The following TTC6 variants were observed in gnomAD, a reference collection of about 807,000 sequenced individuals.
The protein encoded by TTC6 is tetratricopeptide repeat protein 6.
A neutral mutation model predicts 210.4 loss-of-function variants in TTC6; 172 were observed. The observed-to-expected ratio is 0.82, with a 90% CI of 0.72 to 0.93. The LOEUF (loss-of-function observed/expected upper bound fraction) is 0.93. Among genes scored for constraint, TTC6 ranks in the 40% least tolerant of loss-of-function variants. The pLI is 0.00. For synonymous variants in TTC6, 804 were observed against 819.6 expected, an observed-to-expected ratio of 0.98 and a Z score of 0.32; for missense variants, 2,414 against 2,318.1, an observed-to-expected ratio of 1.04 and a Z score of -0.85.
At chr14:37,596,000 T>C (rs1303243308) in exon 1 of TTC6, 2 of 152,044 alleles carry the variant, frequency 1.3e-5, no homozygotes, top group Admixed American at 1.3e-4. Context: ...TACCTGCGGC[T>C]AAGAGCAGGT....
At chr14:37,741,269 C>T (rs1233889875) in intron 10 of TTC6, among the ~76,000 whole-genome samples, 1 of 136,594 alleles carries the variant, frequency 7.3e-6, no homozygotes, top group African/African-American at 3.0e-5. Flanking sequence ...AGACTTTTTT[C>T]CCACTTTTTT....
At chr14:37,759,697 C>A (rs1245439022) in intron 14 of TTC6, among the ~76,000 whole-genome samples, 1 of 152,100 alleles carries the variant, frequency 6.6e-6, no homozygotes, top group Admixed American at 6.5e-5. Context: ...TTTGTTCATT[C>A]CTTTTCATTC....
At chr14:37,748,774 C>T (rs377417221) in intron 10 of TTC6, among the ~76,000 whole-genome samples, 165 bp from the exon 13 acceptor site, 18 of 152,120 alleles carry the variant, frequency 1.2e-4, no homozygotes, top group East Asian at 5.8e-4. Flanking sequence ...ATTCTTCATA[C>T]AGTGTTACCA....
At position 37,624,402 on chromosome 14, in the gene TTC6, C is replaced by T. The variant is rs988555088; in HGVS notation, c.939+1399C>T. Among the ~76,000 whole-genome samples the T allele has an allele frequency of 1.6e-4, 25 of 152,220 alleles. 1 individual carries two copies. Among genetic ancestry groups the T allele is most frequent in the Middle Eastern group, 3.4e-3 (1 of 294 alleles). ...CTTCTGACATAGGCTCCATGCTCTA[C>T]GACATAGTTAAGGTACTTGACATGA... On this transcript the variant is annotated intron_variant, in intron 1 of 30. Transcript: ENST00000553443.
intron 1 of TTC6, among the ~76,000 whole-genome samples, chr14:37,630,447 C>T (rs2095667412): frequency 6.6e-6 from 1 of 151,972 alleles, no homozygotes; most frequent in African/African-American, 2.4e-5. Context: ...TTGAGAGACT[C>T]TTTGTTATTA....
chr14:37,766,728 A>G (rs906325160), intron 14 of TTC6, among the ~76,000 whole-genome samples: 1 of 152,188 alleles, frequency 6.6e-6, no homozygotes, highest in Non-Finnish European at 1.5e-5. Flanking sequence ...TATATACCCA[A>G]TAATGTGATT....
At chr14:37,685,522 G>A (rs2095791996) in intron 3 of TTC6, among the ~76,000 whole-genome samples, 1 of 152,208 alleles carries the variant, frequency 6.6e-6, no homozygotes, top group South Asian at 2.1e-4. Flanking sequence ...GACAAGAGAT[G>A]ACAGCTGCCT....
intron 6 of TTC6, among the ~76,000 whole-genome samples, chr14:37,722,169 C>G (rs1393598147): frequency 1.3e-5 from 2 of 151,950 alleles, no homozygotes; most frequent in Non-Finnish European, 2.9e-5. Context: ...TAGTATGCAT[C>G]ATGGCCTTAG....
exon 30 of TTC6, chr14:37,841,449 G>A: frequency 6.3e-7 from 1 of 1,587,002 alleles, no homozygotes; most frequent in Non-Finnish European, 8.5e-7. Flanking sequence ...TTGTAGGCCA[G>A]TGACTACTTC....
chr14:37,785,902 GT>G (rs1278986093), intron 14 of TTC6, among the ~76,000 whole-genome samples: 2 of 152,184 alleles, frequency 1.3e-5, no homozygotes, highest in Non-Finnish European at 2.9e-5. Context: ...TCCAGATGCT[GT>G]TTGCCTGGGT....
chr14:37,613,467 C>G (rs2095637794), intron 2 of TTC6, among the ~76,000 whole-genome samples: 1 of 151,858 alleles, frequency 6.6e-6, no homozygotes, highest in Non-Finnish European at 1.5e-5. Flanking sequence ...TTAAAAAATG[C>G]CTTTGTCAGG....
chr14:37,763,845 A>C (rs2139122846), intron 14 of TTC6, among the ~76,000 whole-genome samples: 1 of 150,692 alleles, frequency 6.6e-6, no homozygotes, highest in Admixed American at 6.6e-5. Flanking sequence ...TGCTTGCTTT[A>C]GGTTTAGTTT....
chr14:37,724,760 A>C (rs1205997314), intron 6 of TTC6, 138 bp from the exon 9 acceptor site: 5 of 484,664 alleles, frequency 1.0e-5, no homozygotes, highest in Admixed American at 3.7e-5. Context: ...TGGCTGTAAA[A>C]AAATTCTTAT....
intron 1 of TTC6, among the ~76,000 whole-genome samples, chr14:37,650,771 A>C (rs1312031441): frequency 6.6e-6 from 1 of 152,216 alleles, no homozygotes; most frequent in Non-Finnish European, 1.5e-5. Flanking sequence ...CATTTGAATA[A>C]TCCGTATTCT....
At chr14:37,641,919 A>G (rs2095692566) in intron 1 of TTC6, among the ~76,000 whole-genome samples, 1 of 152,346 alleles carries the variant, frequency 6.6e-6, no homozygotes, top group East Asian at 1.9e-4. Flanking sequence ...GTTGATTAGC[A>G]TAGTTGAGAC....
intron 26 of TTC6, among the ~76,000 whole-genome samples, chr14:37,817,912 C>T (rs980982548): frequency 1.3e-5 from 2 of 152,114 alleles, no homozygotes; most frequent in Non-Finnish European, 2.9e-5. Context: ...TGGCATTGGG[C>T]AGAGTTCACC....
intron 1 of TTC6, among the ~76,000 whole-genome samples, chr14:37,654,077 A>G (rs1299442206): frequency 1.3e-5 from 2 of 152,138 alleles, no homozygotes; most frequent in Non-Finnish European, 2.9e-5. Flanking sequence ...GATGCTTAAT[A>G]TAGTTTGTAT....
chr14:37,714,200 G>T (rs1445259539), intron 5 of TTC6, among the ~76,000 whole-genome samples: 6 of 152,068 alleles, frequency 3.9e-5, no homozygotes, highest in Non-Finnish European at 7.4e-5. Flanking sequence ...AGAAAGACTT[G>T]ATGCCTACAC....
At chr14:37,827,387 C>T (rs139537804) in intron 29 of TTC6, 21 bp downstream of exon 31, 300 of 1,607,402 alleles carry the variant, frequency 1.9e-4, no homozygotes, top group Non-Finnish European at 2.3e-4. Flanking sequence ...TTTTACTTAA[C>T]GCTTTCTTTT....
Sources: gnomAD v4.1 joint callset for allele counts (sites outside exome capture counted in the v4.1 genomes callset) on GRCh38, gnomAD v4.1.1 for gene constraint, MANE v1.5 for transcripts, NCBI Gene and HGNC (gene_info 2026-07-23, HGNC 2026-07-21) for gene names.